The following GRM8 variants were observed in gnomAD, a reference collection of about 807,000 sequenced individuals.
GRM8 encodes the protein metabotropic glutamate receptor 8.
GRM8 carries 47 observed loss-of-function variants against 87.2 expected under a neutral mutation model. The ratio of observed to expected loss-of-function variants is 0.54; its 90% confidence interval spans 0.43 to 0.69. The LOEUF (loss-of-function observed/expected upper bound fraction) is 0.69. GRM8 is among the 30% of genes least tolerant of loss of function. GRM8 has a pLI of 0.00. For missense variants in GRM8, 1,019 were observed against 1,139.2 expected (o/e 0.89, Z 1.52); for synonymous variants, 396 against 404.5 (o/e 0.98, Z 0.25).
intron 6 of GRM8, among the ~76,000 whole-genome samples, chr7:126,831,099 G>A (rs1457830961): frequency 3.3e-5 from 5 of 152,204 alleles, no homozygotes; most frequent in Non-Finnish European, 5.9e-5. Flanking sequence ...CGTGTGAGGT[G>A]TCAGTCTGCC....
chr7:127,108,851 A>G (rs1401278158), intron 2 of GRM8, among the ~76,000 whole-genome samples: 1 of 152,190 alleles, frequency 6.6e-6, no homozygotes, highest in Non-Finnish European at 1.5e-5. Context: ...CTCTTTGCAG[A>G]TCAATGTGTG....
intron 3 of GRM8, among the ~76,000 whole-genome samples, chr7:127,026,511 T>C (rs772857655): frequency 5.1e-4 from 78 of 152,176 alleles, no homozygotes; most frequent in Non-Finnish European, 4.7e-4. Flanking sequence ...CCAGCATCTG[T>C]TGTTTCCTGA....
chr7:126,476,477 GA>G (rs1805923473), intron 9 of GRM8, among the ~76,000 whole-genome samples: 1 of 152,070 alleles, frequency 6.6e-6, no homozygotes, highest in Non-Finnish European at 1.5e-5. Flanking sequence ...TGAAAATAGA[GA>G]AAGTATTTGC....
intron 3 of GRM8, chr7:127,090,820 G>A (rs1450845283): frequency 6.6e-6 from 1 of 152,180 alleles, no homozygotes; most frequent in African/African-American, 2.4e-5. Context: ...CTCTGCTACA[G>A]AACAATTTTT....
intron 7 of GRM8, among the ~76,000 whole-genome samples, chr7:126,623,235 TAATATAGA>T (rs1371444051): frequency 2.0e-5 from 3 of 152,176 alleles, no homozygotes; most frequent in Admixed American, 6.6e-5. Flanking sequence ...TGGAGGGGTG[TAATATAGA>T]AATTGTGCTC....
chr7:126,630,956 C>T (rs565204044), intron 7 of GRM8, among the ~76,000 whole-genome samples: 4 of 152,086 alleles, frequency 2.6e-5, no homozygotes, highest in African/African-American at 4.8e-5. Context: ...AAAGCATTCC[C>T]CTTGAAAGCT....
chr7:126,785,949 C>A (rs1259236502), intron 6 of GRM8, among the ~76,000 whole-genome samples: 1 of 152,100 alleles, frequency 6.6e-6, no homozygotes, highest in African/African-American at 2.4e-5. Flanking sequence ...TGTGTCTAAA[C>A]CCAAGGACAC....
In GRM8 at chr7:126,749,474, A is replaced by C. The variant is rs188338410; in HGVS notation, c.1357+20391T>G. The stretch of plus-strand genomic sequence containing the variant: ...GACAAATTAGCCTTCATCAGAATTG[A>C]AAATGTTTCTCAAAAGATACCATTA... On this transcript the variant is annotated intron_variant, in intron 7 of 10. Coordinates refer to ENST00000339582, the MANE Select transcript of GRM8 (RefSeq NM_000845.3). Among the ~76,000 whole-genome samples the C allele has an allele frequency of 7.2e-5, 11 of 151,896 alleles. No homozygotes were observed. The East Asian group carries it at 1.9e-3, about 27-fold the overall frequency.
At chr7:127,038,342 A>G (rs947578648) in intron 3 of GRM8, among the ~76,000 whole-genome samples, 1 of 152,200 alleles carries the variant, frequency 6.6e-6, no homozygotes, top group Non-Finnish European at 1.5e-5. Context: ...TTATAGAAAA[A>G]TACGAGAGGA....
intron 6 of GRM8, among the ~76,000 whole-genome samples, chr7:126,861,576 T>C (rs1405234355): frequency 6.6e-6 from 1 of 151,884 alleles, no homozygotes; most frequent in Non-Finnish European, 1.5e-5. Flanking sequence ...ATATTTTCAT[T>C]TTTTTTTCTT....
intron 3 of GRM8, among the ~76,000 whole-genome samples, chr7:127,073,101 T>G (rs1821889701): frequency 6.6e-6 from 1 of 152,182 alleles, no homozygotes; most frequent in African/African-American, 2.4e-5. Context: ...GAAGAACGCC[T>G]TCCTCTGCCC....
chr7:127,160,024 T>C (rs1262478943), intron 2 of GRM8, among the ~76,000 whole-genome samples: 1 of 152,148 alleles, frequency 6.6e-6, no homozygotes, highest in Non-Finnish European at 1.5e-5. Context: ...ATATGTTTAA[T>C]AGAGAGGTTT....
At chr7:126,764,006 C>A (rs549018386) in intron 7 of GRM8, among the ~76,000 whole-genome samples, 3 of 151,820 alleles carry the variant, frequency 2.0e-5, no homozygotes, top group African/African-American at 7.2e-5. Flanking sequence ...AAAAGCGTTC[C>A]AGTTCCCATG....
intron 7 of GRM8, among the ~76,000 whole-genome samples, chr7:126,764,288 A>T (rs1817955887): frequency 6.6e-6 from 1 of 152,030 alleles, no homozygotes; most frequent in Admixed American, 6.6e-5. Context: ...AGACTGAGAA[A>T]GATGTGCTTT....
chr7:127,022,277 C>A (rs1018062392), intron 3 of GRM8, among the ~76,000 whole-genome samples: 2 of 151,546 alleles, frequency 1.3e-5, no homozygotes, highest in Admixed American at 1.3e-4. Flanking sequence ...AAGTATAGTT[C>A]CAATGTGGTC....
At chr7:126,743,118 C>T (rs1185455513) in intron 7 of GRM8, among the ~76,000 whole-genome samples, 1 of 152,046 alleles carries the variant, frequency 6.6e-6, no homozygotes, top group African/African-American at 2.4e-5. Context: ...ATGGTATATA[C>T]TAAATGAAAG....
At chr7:127,076,981 C>A (rs1286929525) in intron 3 of GRM8, among the ~76,000 whole-genome samples, 1 of 152,154 alleles carries the variant, frequency 6.6e-6, no homozygotes, top group African/African-American at 2.4e-5. Context: ...TCACACAGAG[C>A]CCAAGGGTGA....
At chr7:126,508,163 A>AT (rs1016894799) in intron 9 of GRM8, among the ~76,000 whole-genome samples, 10 of 151,950 alleles carry the variant, frequency 6.6e-5, no homozygotes, top group African/African-American at 2.4e-4. Context: ...TGTATATTAT[A>AT]TTTTTGTATA....
chr7:126,888,499 T>G (rs1196949026), intron 6 of GRM8, among the ~76,000 whole-genome samples: 1 of 152,156 alleles, frequency 6.6e-6, no homozygotes, highest in African/African-American at 2.4e-5. Flanking sequence ...CCAAGTTTCC[T>G]TCCTTCTCTA....
Sources: gnomAD v4.1 joint callset for allele counts (sites outside exome capture counted in the v4.1 genomes callset) on GRCh38, gnomAD v4.1.1 for gene constraint, MANE v1.5 for transcripts, NCBI Gene and HGNC (gene_info 2026-07-23, HGNC 2026-07-21) for gene names.